CACNB4: variants seen among roughly 807,000 people sequenced by gnomAD.
The protein encoded by CACNB4 is calcium voltage-gated channel auxiliary subunit beta 4.
A neutral mutation model predicts 71.2 loss-of-function variants in CACNB4; 32 were observed. That is an observed-to-expected ratio of 0.45 (90% CI 0.34 to 0.60). The LOEUF (loss-of-function observed/expected upper bound fraction) is 0.60, where lower values mean the gene tolerates loss of function less well. CACNB4 is among the 20% of genes least tolerant of loss of function. The pLI is 0.01. For missense variants in CACNB4, 464 were observed against 647.9 expected, an observed-to-expected ratio of 0.72 and a Z score of 3.08; for synonymous variants, 231 against 236.9, an observed-to-expected ratio of 0.97 and a Z score of 0.23.
chr2:152,003,746 G>T (rs1682560937), intron 2 of CACNB4, among the ~76,000 whole-genome samples: 1 of 151,794 alleles, frequency 6.6e-6, no homozygotes, highest in African/African-American at 2.4e-5. Flanking sequence ...CAGAATTCTT[G>T]AAATATTTAC....
In CACNB4 at chr2:152,030,455, AT is replaced by A. The variant is rs377411729; in HGVS notation, c.147+67874del. Among the ~76,000 whole-genome samples the A allele has an allele frequency of 1.4e-3, 214 of 152,336 alleles. 1 individual carries two copies. Among genetic ancestry groups the A allele is most frequent in the African/African-American group, 4.8e-3 (199 of 41,578 alleles). On this transcript the variant is annotated intron_variant, in intron 2 of 13. Coordinates refer to ENST00000539935, the MANE Select transcript of CACNB4 (RefSeq NM_000726.5). ...TTCCATTGTTATTGAAAAGAATTTT[AT>A]GTATTTATTTATTTTTCTTATACTT...
chr2:152,088,882 T>C (rs1046902364), intron 2 of CACNB4, among the ~76,000 whole-genome samples: 1 of 152,228 alleles, frequency 6.6e-6, no homozygotes, highest in African/African-American at 2.4e-5. Context: ...TCCAAAGCAC[T>C]GTTTATATTC....
At chr2:152,082,958 A>C (rs1687442603) in intron 2 of CACNB4, among the ~76,000 whole-genome samples, 2 of 152,198 alleles carry the variant, frequency 1.3e-5, no homozygotes, top group Admixed American at 1.3e-4. Flanking sequence ...ACCACACTTA[A>C]AACAATATCT....
intron 2 of CACNB4, among the ~76,000 whole-genome samples, chr2:152,031,361 G>A (rs115662216): frequency 6.7e-4 from 102 of 152,302 alleles, no homozygotes; most frequent in African/African-American, 2.4e-3. Flanking sequence ...TTGCAGTTAC[G>A]TGTTATACAA....
At chr2:151,956,150 A>G (rs1478408778) in intron 2 of CACNB4, among the ~76,000 whole-genome samples, 1 of 152,244 alleles carries the variant, frequency 6.6e-6, no homozygotes. Flanking sequence ...TATCTTCGAT[A>G]TACTTGTAGT....
rs902165644 is a variant in CACNB4, at chr2:152,069,977, C to T, written c.147+28353G>A. On this transcript the variant is annotated intron_variant, in intron 2 of 13. Coordinates refer to ENST00000539935, the MANE Select transcript of CACNB4 (RefSeq NM_000726.5). The stretch of plus-strand genomic sequence containing the variant: ...CCTGCCTCAGCCTCCTGAGTAGCTG[C>T]GACTACAGGCACCCGCCACTACGCC... 4.0e-5 allele frequency among the ~76,000 whole-genome samples: 6 copies of T among 150,692 alleles called. No individual in the cohort carries two copies. The East Asian group carries it at 5.9e-4, about 15-fold the overall frequency.
chr2:151,924,271 G>A (rs1046946733), intron 2 of CACNB4, among the ~76,000 whole-genome samples: 3 of 150,770 alleles, frequency 2.0e-5, no homozygotes, highest in Non-Finnish European at 3.0e-5. Flanking sequence ...GTAGAGATGG[G>A]GTTTCACCGT....
chr2:151,870,367 G>T, intron 8 of CACNB4, 164 bp downstream of exon 8: 1 of 709,410 alleles, frequency 1.4e-6, no homozygotes. Context: ...GAAAGAAAGG[G>T]CAGAGGGCCT....
At chr2:152,065,879 C>T (rs890649187) in intron 2 of CACNB4, among the ~76,000 whole-genome samples, 2 of 152,146 alleles carry the variant, frequency 1.3e-5, no homozygotes, top group Non-Finnish European at 2.9e-5. Flanking sequence ...GTAGCTGGGA[C>T]TACAGATGTT....
At chr2:151,880,953 G>A in intron 3 of CACNB4, 31 bp from the exon 4 acceptor site, 1 of 1,574,036 alleles carries the variant, frequency 6.4e-7, no homozygotes, top group Non-Finnish European at 8.6e-7. Flanking sequence ...TAAGGAATGA[G>A]GAAGGGAGGA....
intron 2 of CACNB4, among the ~76,000 whole-genome samples, chr2:152,084,020 A>C (rs567517827): frequency 6.8e-4 from 103 of 152,362 alleles, no homozygotes; most frequent in African/African-American, 2.4e-3. Context: ...TAAATATATA[A>C]ATTACTGTGA....
At position 152,090,788 on chromosome 2, in the gene CACNB4, G is replaced by A. The variant is rs556515517; in HGVS notation, c.147+7542C>T. 9.4e-4 allele frequency among the ~76,000 whole-genome samples: 143 copies of A among 152,240 alleles called. 1 individual carries two copies. The highest frequency in any genetic ancestry group is 3.2e-3 in the African/African-American group (131 of 41,536). On this transcript the variant is annotated intron_variant, in intron 2 of 13. Transcript: ENST00000539935. Reference sequence around the variant, plus strand: ...GGGTTGGGCATGATGGCTCACACCTGTAATCCTAGCACTTTGGGTGGCTGA... The same window carrying A: ...GGGTTGGGCATGATGGCTCACACCTATAATCCTAGCACTTTGGGTGGCTGA...
chr2:151,974,114 G>T, intron 2 of CACNB4: 1 of 247,288 alleles, frequency 4.0e-6, no homozygotes, highest in Non-Finnish European at 6.6e-6. Context: ...TGTATTGTTA[G>T]TTCTACAATA....
At chr2:152,005,351 C>A (rs975604504) in intron 2 of CACNB4, among the ~76,000 whole-genome samples, 1 of 152,174 alleles carries the variant, frequency 6.6e-6, no homozygotes, top group African/African-American at 2.4e-5. Flanking sequence ...ATAAAAAGAA[C>A]AAAATCAGGT....
intron 2 of CACNB4, among the ~76,000 whole-genome samples, chr2:152,067,191 T>C (rs964690961): frequency 1.4e-4 from 22 of 152,028 alleles, no homozygotes; most frequent in Non-Finnish European, 3.1e-4. Context: ...GGGGAGTAAA[T>C]GCCTGTGGGC....
At chr2:151,880,494 A>G in intron 4 of CACNB4, 1 of 373,672 alleles carries the variant, frequency 2.7e-6, no homozygotes, top group Non-Finnish European at 4.9e-6. Flanking sequence ...GGATCCATAT[A>G]TTTATGGCTC....
chr2:151,937,217 A>C (rs2099863137), intron 2 of CACNB4, among the ~76,000 whole-genome samples: 2 of 152,192 alleles, frequency 1.3e-5, no homozygotes, highest in Non-Finnish European at 2.9e-5. Flanking sequence ...TAATAACTAT[A>C]TGCCAGGAAG....
At position 151,860,793 on chromosome 2, in the gene CACNB4, G is replaced by A. The variant is rs1270228263; in HGVS notation, c.786C>T (p.Asp262=). Residue 262 remains aspartate, a synonymous_variant, in exon 10 of 14, where the codon GAC becomes GAT. Coordinates refer to ENST00000539935, the MANE Select transcript of CACNB4 (RefSeq NM_000726.5). Reference sequence around the variant, plus strand: ...GGACAGACCTCTTAGCAAGAGAAATGTCAGCTGTCACTCTCGTTATTGAAA... The same window carrying A: ...GGACAGACCTCTTAGCAAGAGAAATATCAGCTGTCACTCTCGTTATTGAAA... The part of the protein sequence containing the change: ...GRISITRVTA[D]ISLAKRSVLN... The A allele has an allele frequency of 1.9e-6, 3 of 1,612,994 alleles. No individual in the cohort carries two copies. The East Asian group carries it at 6.7e-5, about 36-fold the overall frequency.
chr2:151,974,522 A>G (rs1006775371), intron 2 of CACNB4, among the ~76,000 whole-genome samples: 1 of 152,228 alleles, frequency 6.6e-6, no homozygotes, highest in African/African-American at 2.4e-5. Flanking sequence ...TTGAAAAGGA[A>G]GCCAAAAACT....
Sources: allele counts gnomAD v4.1 joint callset (sites outside exome capture counted in the v4.1 genomes callset), GRCh38; gene constraint gnomAD v4.1.1; transcripts MANE v1.5; gene names NCBI Gene and HGNC (gene_info 2026-07-23, HGNC 2026-07-21).